RAD54L2: variants seen among roughly 807,000 people sequenced by gnomAD.
RAD54L2 encodes helicase ARIP4.
Under a neutral mutation model 138.4 loss-of-function variants are expected in RAD54L2, and 27 were observed. The observed-to-expected ratio is 0.20, with a 90% confidence interval of 0.14 to 0.27. The LOEUF (loss-of-function observed/expected upper bound fraction) is 0.27, where lower values mean the gene tolerates loss of function less well. Ranked by LOEUF, RAD54L2 falls within the 10% of genes least tolerant of loss-of-function variation. The pLI is 1.00. For synonymous variants in RAD54L2, 644 were observed against 723.2 expected, an observed-to-expected ratio of 0.89 and a Z score of 1.76; for missense variants, 1,396 against 1,890.2, an observed-to-expected ratio of 0.74 and a Z score of 4.85.
At position 51,666,388 on chromosome 3, in the gene RAD54L2, C is replaced by T. The variant is rs887424981; in HGVS notation, c.*2968C>T. ...CATAAACACTTGGTGGTGTCTTCCA[C>T]CCATTATCCAGGCCTGAGGGGGGCA... On this transcript the variant is annotated 3_prime_UTR_variant, in exon 23 of 23. Coordinates refer to ENST00000684192, the MANE Select transcript of RAD54L2 (RefSeq NM_015106.4). 2.0e-5 allele frequency: 3 copies of T among 151,786 alleles called. No homozygotes were observed. Among genetic ancestry groups the T allele is most frequent in the South Asian group, 4.2e-4 (2 of 4,790 alleles). The allele number at this position is 151,786 out of a possible 1,614,324, so 9.4% of individuals were successfully genotyped here. A position where few individuals can be genotyped will look rare whatever the true frequency, so the allele number is the denominator to read the frequency against.
chr3:51,654,078 GTC>G (rs1400766488), intron 19 of RAD54L2, among the ~76,000 whole-genome samples: 1 of 152,056 alleles, frequency 6.6e-6, no homozygotes, highest in Non-Finnish European at 1.5e-5. Flanking sequence ...GGGGTACAGA[GTC>G]TCTGTTGCCC....
intron 2 of RAD54L2, among the ~76,000 whole-genome samples, chr3:51,542,105 C>T (rs896363836): frequency 3.3e-5 from 5 of 152,124 alleles, no homozygotes; most frequent in Admixed American, 1.3e-4. Flanking sequence ...GGAGTCTTCC[C>T]ACTTTTTCTT....
intron 2 of RAD54L2, among the ~76,000 whole-genome samples, chr3:51,574,100 G>A (rs1699406715): frequency 1.3e-5 from 2 of 150,682 alleles, no homozygotes; most frequent in African/African-American, 2.4e-5. Context: ...GCGGTGTTTG[G>A]TTTTCTGTAC....
chr3:51,655,053 AG>A (rs772385746), intron 19 of RAD54L2, among the ~76,000 whole-genome samples: 2 of 152,190 alleles, frequency 1.3e-5, no homozygotes, highest in East Asian at 1.9e-4. Context: ...GGAGGTCCAC[AG>A]GGACCAAGGG....
At chr3:51,649,422 A>T (rs1315312288) in intron 19 of RAD54L2, among the ~76,000 whole-genome samples, 4 of 152,204 alleles carry the variant, frequency 2.6e-5, no homozygotes, top group African/African-American at 9.7e-5. Flanking sequence ...GCAGGCCAAC[A>T]TTCAAATTCA....
chr3:51,562,602 TGAG>T (rs1354467908), intron 2 of RAD54L2, among the ~76,000 whole-genome samples: 1 of 152,002 alleles, frequency 6.6e-6, no homozygotes. Context: ...TGACCTCAGG[TGAG>T]GAGGTCACCC....
At chr3:51,650,438 A>G (rs538472767) in intron 19 of RAD54L2, among the ~76,000 whole-genome samples, 7 of 152,342 alleles carry the variant, frequency 4.6e-5, no homozygotes, top group African/African-American at 1.7e-4. Context: ...AAGCAGACCT[A>G]ATAGACATCT....
At chr3:51,551,117 CT>C (rs368902564) in intron 2 of RAD54L2, among the ~76,000 whole-genome samples, 3,941 of 147,232 alleles carry the variant, frequency 0.027, 165 homozygotes, top group African/African-American at 0.091. Flanking sequence ...CTTTCTGTGA[CT>C]TTTTTTTTTT....
At chr3:51,609,578 A>C (rs976185777) in intron 3 of RAD54L2, among the ~76,000 whole-genome samples, 2 of 152,128 alleles carry the variant, frequency 1.3e-5, no homozygotes, top group Non-Finnish European at 1.5e-5. Flanking sequence ...AAGGTTTCTT[A>C]TTTCTTTGCC....
chr3:51,539,575 A>G (rs977353201), intron 1 of RAD54L2, among the ~76,000 whole-genome samples: 8 of 152,074 alleles, frequency 5.3e-5, no homozygotes, highest in Non-Finnish European at 1.2e-4. Context: ...GCACACGGTG[A>G]GTAGTGCTAG....
intron 3 of RAD54L2, among the ~76,000 whole-genome samples, chr3:51,606,600 C>T (rs1254362365): frequency 3.3e-5 from 5 of 152,066 alleles, no homozygotes; most frequent in South Asian, 4.1e-4. Flanking sequence ...ACCATTACAG[C>T]GTGGCCCCAG....
intron 2 of RAD54L2, among the ~76,000 whole-genome samples, chr3:51,552,038 C>A (rs915210874): frequency 6.6e-6 from 1 of 152,172 alleles, no homozygotes; most frequent in African/African-American, 2.4e-5. Flanking sequence ...GCGTGAGCCA[C>A]CACGCCCAGC....
At chr3:51,646,602 C>G in intron 19 of RAD54L2, 121 bp downstream of exon 19, 13 of 1,075,082 alleles carry the variant, frequency 1.2e-5, no homozygotes, top group Non-Finnish European at 1.7e-5. Context: ...AATTGACAGG[C>G]TCTGCTCTAG....
At chr3:51,599,908 G>A (rs968322219) in intron 3 of RAD54L2, among the ~76,000 whole-genome samples, 7 of 151,660 alleles carry the variant, frequency 4.6e-5, no homozygotes, top group Admixed American at 3.9e-4. Flanking sequence ...ATGAGCTACT[G>A]TGCCTGGCCC....
chr3:51,656,098 C>T lies in RAD54L2; in HGVS notation c.3154C>T (p.Pro1052Ser), dbSNP rs368541943. 7 of 1,614,018 alleles carry T rather than the reference C, an allele frequency of 4.3e-6. No homozygotes were observed. The highest frequency in any genetic ancestry group is 5.9e-6 in the Non-Finnish European group (7 of 1,179,902). The change falls in exon 20 of 23, where the codon CCA becomes TCA. Residue 1052 changes from proline (P) to serine (S), a missense_variant. Around this residue, in one of 7 missense-constraint regions of RAD54L2, gnomAD observed 634 missense variants for 711.2 expected, o/e 0.89. Coordinates refer to ENST00000684192, the MANE Select transcript of RAD54L2 (RefSeq NM_015106.4). ...GSVSSASSTN[P>S]SMNFPINYLQ... ...TGTAAGCTCTGCCTCCAGCACAAAT[C>T]CATCCATGAACTTTCCCATCAACTA...
intron 3 of RAD54L2, among the ~76,000 whole-genome samples, chr3:51,614,742 G>A (rs955673970): frequency 4.6e-5 from 7 of 151,994 alleles, no homozygotes; most frequent in African/African-American, 1.7e-4. Flanking sequence ...TGAACTCCTG[G>A]GCTCAAGCAA....
At chr3:51,569,287 G>A (rs1005977502) in intron 2 of RAD54L2, among the ~76,000 whole-genome samples, 6 of 152,036 alleles carry the variant, frequency 3.9e-5, no homozygotes, top group South Asian at 4.1e-4. Flanking sequence ...TCAAGGCTCA[G>A]AATAATTTAA....
At chr3:51,594,812 T>C (rs1699923514) in intron 3 of RAD54L2, among the ~76,000 whole-genome samples, 1 of 148,258 alleles carries the variant, frequency 6.7e-6, no homozygotes, top group Non-Finnish European at 1.5e-5. Flanking sequence ...GGTTAGATCA[T>C]GGAGTAGTTT....
intron 2 of RAD54L2, among the ~76,000 whole-genome samples, chr3:51,547,464 CAT>C (rs142805281): frequency 0.019 from 2,861 of 151,602 alleles, 100 homozygotes; most frequent in African/African-American, 0.066. Context: ...GAGGTACTAA[CAT>C]GTGCTTATGG....
Sources: allele counts gnomAD v4.1 joint callset (sites outside exome capture counted in the v4.1 genomes callset), GRCh38; gene constraint gnomAD v4.1.1; regional missense constraint gnomAD v4.1.1; transcripts MANE v1.5; gene names NCBI Gene and HGNC (gene_info 2026-07-23, HGNC 2026-07-21).